Variants in BTD observed in about 807,000 individuals in gnomAD.
BTD encodes biotinidase, also known as biocytinase.
A neutral mutation model predicts 17.7 loss-of-function variants in BTD; 13 were observed. The observed-to-expected ratio is 0.74, with a 90% CI of 0.48 to 1.17. The LOEUF (loss-of-function observed/expected upper bound fraction) is 1.17. Among genes scored for constraint, BTD ranks in the 50% most tolerant of loss-of-function variants. The pLI is 0.00. For synonymous variants in BTD, 240 were observed against 245.2 expected, an observed-to-expected ratio of 0.98 and a Z score of 0.20; for missense variants, 674 against 650.4, an observed-to-expected ratio of 1.04 and a Z score of -0.39.
chr3:15,611,015 A>T (rs987977955), intron 1 of BTD, among the ~76,000 whole-genome samples: 12 of 152,114 alleles, frequency 7.9e-5, no homozygotes, highest in Non-Finnish European at 2.9e-5. Flanking sequence ...TAGATGAACA[A>T]TGCATAATTT....
chr3:15,664,735 AG>A (rs2065960096), intron 3 of BTD, among the ~76,000 whole-genome samples: 1 of 152,118 alleles, frequency 6.6e-6, no homozygotes, highest in Non-Finnish European at 1.5e-5. Flanking sequence ...TTTAAAAAAA[AG>A]ATGAAAATTT....
chr3:15,618,198 C>G (rs1366672877), intron 1 of BTD, among the ~76,000 whole-genome samples: 1 of 152,184 alleles, frequency 6.6e-6, no homozygotes, highest in African/African-American at 2.4e-5. Flanking sequence ...AACTCCTGGC[C>G]TCAAATGATC....
chr3:15,708,437 G>GA (rs2071761607), intron 3 of BTD, among the ~76,000 whole-genome samples: 1 of 151,990 alleles, frequency 6.6e-6, no homozygotes, highest in East Asian at 1.9e-4. Flanking sequence ...TACAGAGGTA[G>GA]CAATTTCTAT....
At chr3:15,686,889 G>C (rs910007726) in intron 3 of BTD, among the ~76,000 whole-genome samples, 13 of 151,462 alleles carry the variant, frequency 8.6e-5, no homozygotes, top group Admixed American at 6.6e-4. Flanking sequence ...ATTTAATCCA[G>C]AGCTCTGACA....
At chr3:15,671,327 C>T (rs554964891) in intron 3 of BTD, among the ~76,000 whole-genome samples, 11 of 152,048 alleles carry the variant, frequency 7.2e-5, no homozygotes, top group Admixed American at 2.0e-4. Context: ...GAGGACGGAG[C>T]GGGAGAGAAG....
downstream of BTD, among the ~76,000 whole-genome samples, chr3:15,657,987 G>A (rs890037159): frequency 2.0e-5 from 3 of 152,028 alleles, no homozygotes; most frequent in East Asian, 5.8e-4. Flanking sequence ...GGCCAACGTG[G>A]TGAAAACCCA....
intron 3 of BTD, chr3:15,669,551 T>G (rs2125564444): frequency 6.6e-6 from 1 of 152,262 alleles, no homozygotes; most frequent in East Asian, 1.9e-4. Flanking sequence ...AGTCAGCTGG[T>G]TTTTAATTCT....
At chr3:15,654,666 G>T (rs990493263), downstream of BTD, among the ~76,000 whole-genome samples, 2 of 151,896 alleles carry the variant, frequency 1.3e-5, no homozygotes, top group African/African-American at 4.8e-5. Flanking sequence ...CTGCCTCCCG[G>T]GTTCAAGCGA....
intron 3 of BTD, among the ~76,000 whole-genome samples, chr3:15,704,935 C>G (rs2071153765): frequency 6.6e-6 from 1 of 152,124 alleles, no homozygotes; most frequent in Non-Finnish European, 1.5e-5. Flanking sequence ...ATTAACAGTG[C>G]TAGATTATGC....
chr3:15,682,680 G>T (rs1307078336), intron 3 of BTD, among the ~76,000 whole-genome samples: 1 of 152,098 alleles, frequency 6.6e-6, no homozygotes, highest in Non-Finnish European at 1.5e-5. Context: ...GTTGTTTTCT[G>T]TTCTGTTGGC....
chr3:15,718,298 G>A (rs1004625472), intron 4 of BTD, among the ~76,000 whole-genome samples: 3 of 152,128 alleles, frequency 2.0e-5, no homozygotes, highest in East Asian at 1.9e-4. Flanking sequence ...GATGACTTTC[G>A]TGAAATCTGT....
At chr3:15,641,745 C>T (rs140210475) in intron 2 of BTD, among the ~76,000 whole-genome samples, 163 bp from the exon 3 acceptor site, 1 of 152,174 alleles carries the variant, frequency 6.6e-6, no homozygotes, top group African/African-American at 2.4e-5. Context: ...ATCCCCAAGA[C>T]TAAGATCTCT....
chr3:15,707,713 T>C (rs2071645529), intron 3 of BTD, among the ~76,000 whole-genome samples: 1 of 152,216 alleles, frequency 6.6e-6, no homozygotes, highest in Non-Finnish European at 1.5e-5. Flanking sequence ...TTCCACCAGA[T>C]CAGCTAGTAA....
intron 3 of BTD, among the ~76,000 whole-genome samples, chr3:15,663,094 T>A (rs2065942140): frequency 6.6e-6 from 1 of 152,054 alleles, no homozygotes; most frequent in Admixed American, 6.6e-5. Flanking sequence ...ACCTCCCGGT[T>A]TCAAGTGATT....
At chr3:15,603,898 T>TG (rs2064362557) in intron 1 of BTD, among the ~76,000 whole-genome samples, 1 of 152,224 alleles carries the variant, frequency 6.6e-6, no homozygotes, top group African/African-American at 2.4e-5. Flanking sequence ...ATCATGCTGA[T>TG]GCAAGAGGTG....
intron 3 of BTD, chr3:15,685,097 G>T: frequency 1.2e-6 from 1 of 858,636 alleles, no homozygotes; most frequent in Admixed American, 2.2e-5. Flanking sequence ...TTATTAGTAC[G>T]TGAGCCTATA....
intron 1 of BTD, among the ~76,000 whole-genome samples, chr3:15,622,345 AT>A (rs1466925747): frequency 6.6e-6 from 1 of 152,080 alleles, no homozygotes; most frequent in Non-Finnish European, 1.5e-5. Context: ...ATTTCCAAGT[AT>A]TTTGGGTATT....
chr3:15,679,305 C>T lies in BTD; in HGVS notation c.400-30755C>T, dbSNP rs779746458. The T allele has an allele frequency of 3.1e-6, 5 of 1,613,702 alleles. No individual in the cohort carries two copies. The East Asian group carries it at 8.9e-5, about 29-fold the overall frequency. Reference sequence around the variant, plus strand: ...AATACATAGTTGAATTCCTACCTTCCTTTTGAATCTGTGGCGTTCACAATG... The same window carrying T: ...AATACATAGTTGAATTCCTACCTTCTTTTTGAATCTGTGGCGTTCACAATG... On this transcript the variant is annotated intron_variant, in intron 3 of 3. Transcript: ENST00000672141.
At chr3:15,666,741 A>G (rs2066001973) in intron 3 of BTD, among the ~76,000 whole-genome samples, 1 of 152,168 alleles carries the variant, frequency 6.6e-6, no homozygotes, top group African/African-American at 2.4e-5. Context: ...ACTCTATCCC[A>G]GAGCGCCCCT....
Sources: allele counts gnomAD v4.1 joint callset (sites outside exome capture counted in the v4.1 genomes callset), GRCh38; gene constraint gnomAD v4.1.1; transcripts MANE v1.5; gene names NCBI Gene and HGNC (gene_info 2026-07-23, HGNC 2026-07-21).